The following NEBL variants were observed in gnomAD, a reference collection of about 807,000 sequenced individuals.
NEBL encodes LIM and SH3 protein 2.
A neutral mutation model predicts 140.2 loss-of-function variants in NEBL; 122 were observed. The ratio of observed to expected loss-of-function variants is 0.87; its 90% CI spans 0.75 to 1.01. The LOEUF (loss-of-function observed/expected upper bound fraction) is 1.01. Ranked by LOEUF, NEBL falls within the 50% of genes least tolerant of loss-of-function variation. NEBL has a pLI of 0.00. For missense variants in NEBL, 1,365 were observed against 1,231.3 expected, an observed-to-expected ratio of 1.11 and a Z score of -1.62; for synonymous variants, 436 against 398.9, an observed-to-expected ratio of 1.09 and a Z score of -1.11.
At chr10:21,042,944 T>C (rs1834337777) in intron 2 of NEBL, among the ~76,000 whole-genome samples, 1 of 152,238 alleles carries the variant, frequency 6.6e-6, no homozygotes, top group Admixed American at 6.5e-5. Context: ...TTAAGTCCTC[T>C]GAGGAAGACT....
chr10:21,191,120 G>A (rs1367122768), intron 3 of NEBL, among the ~76,000 whole-genome samples: 1 of 152,110 alleles, frequency 6.6e-6, no homozygotes, highest in East Asian at 1.9e-4. Context: ...GTTCTGTGTT[G>A]GGCTTAGGAG....
In NEBL at chr10:20,840,827, T is replaced by C. The variant is rs750380902; in HGVS notation, c.1250A>G (p.Glu417Gly). The C allele has an allele frequency of 4.4e-6, 7 of 1,595,248 alleles. No individual in the cohort carries two copies. The Admixed American group carries it at 5.0e-5, about 11-fold the overall frequency. ...LREKEYKKDLENEIKGKGMEL... is the reference protein window; with the variant it reads ...LREKEYKKDLGNEIKGKGMEL... The stretch of plus-strand genomic sequence containing the variant: ...CATTCCTTTCCCTTTTATCTCATTT[T>C]CCAAATCTTTTTTATATTCTTTCTA... The change falls in exon 13 of 28, where the codon GAA (glutamate) becomes GGA (glycine). Residue 417 changes from glutamate to glycine, a missense_variant. Physicochemically the swap from Glu to Gly is moderately conservative, Grantham distance 98 (BLOSUM62 -2). This residue lies in a region of NEBL where 1,323 missense variants were observed against 1,154.8 expected (regional missense o/e 1.15). Coordinates refer to ENST00000377122, the MANE Select transcript of NEBL (RefSeq NM_006393.3).
chr10:21,203,595 TA>T (rs1841777615), intron 3 of NEBL, among the ~76,000 whole-genome samples: 1 of 152,064 alleles, frequency 6.6e-6, no homozygotes, highest in Admixed American at 6.6e-5. Flanking sequence ...TAAAGAAGAA[TA>T]AAAGGAGAAA....
intron 2 of NEBL, among the ~76,000 whole-genome samples, chr10:21,111,240 C>T (rs1181023597): frequency 6.6e-6 from 1 of 152,132 alleles, no homozygotes; most frequent in African/African-American, 2.4e-5. Flanking sequence ...TTGGAAAAAA[C>T]TACTTTAAAG....
At chr10:21,105,164 T>C (rs1837653064) in intron 2 of NEBL, among the ~76,000 whole-genome samples, 1 of 151,758 alleles carries the variant, frequency 6.6e-6, no homozygotes, top group Non-Finnish European at 1.5e-5. Context: ...TCATGAAGAA[T>C]ATTGGCCTGT....
At chr10:20,896,871 G>C (rs1847543175) in intron 2 of NEBL, 87 bp downstream of exon 2, 6 of 1,124,494 alleles carry the variant, frequency 5.3e-6, no homozygotes, top group Non-Finnish European at 5.4e-6. Flanking sequence ...GTGATTTCAG[G>C]GTTTCCCCCA....
chr10:21,283,741 C>T (rs1284116482), intron 1 of NEBL, among the ~76,000 whole-genome samples: 1 of 152,118 alleles, frequency 6.6e-6, no homozygotes, highest in Non-Finnish European at 1.5e-5. Flanking sequence ...TACAAAATTT[C>T]AGCTTCTCCT....
At chr10:21,094,536 G>T (rs929505512) in intron 2 of NEBL, among the ~76,000 whole-genome samples, 4 of 137,366 alleles carry the variant, frequency 2.9e-5, no homozygotes, top group African/African-American at 1.1e-4. Flanking sequence ...AAAAAAATTA[G>T]CCAGATGTGG....
intron 4 of NEBL, among the ~76,000 whole-genome samples, chr10:20,925,834 T>C (rs1381008508): frequency 6.6e-6 from 1 of 152,116 alleles, no homozygotes; most frequent in African/African-American, 2.4e-5. Context: ...ATTAACGACA[T>C]TTTGGGCAGT....
intron 4 of NEBL, among the ~76,000 whole-genome samples, chr10:20,922,506 A>G (rs1460942803): frequency 6.6e-6 from 1 of 152,274 alleles, no homozygotes; most frequent in African/African-American, 2.4e-5. Context: ...CAACCTTGAC[A>G]GAAAAATCTA....
intron 3 of NEBL, among the ~76,000 whole-genome samples, chr10:21,240,947 A>ACAC (rs1341595507): frequency 8.3e-6 from 1 of 121,196 alleles, no homozygotes; most frequent in African/African-American, 3.3e-5. Context: ...CACACACACA[A>ACAC]AACCAGTATC....
In NEBL at chr10:21,169,929, CG is replaced by C. The variant is rs1841001389; in HGVS notation, c.164+2453del. On this transcript the variant is annotated intron_variant, in intron 2 of 6. Coordinates refer to the NEBL transcript ENST00000417816. ...GGTTAAGACCTATGAAACAAAACAA[CG>C]GGATGTTTCTTTTTCATAAGTAGAA... Among the ~76,000 whole-genome samples the C allele has an allele frequency of 2.0e-5, 3 of 152,090 alleles. No individual in the cohort carries two copies. The South Asian group carries it at 6.2e-4, about 32-fold the overall frequency.
chr10:21,228,649 T>C (rs924592725), intron 3 of NEBL, among the ~76,000 whole-genome samples: 5 of 152,184 alleles, frequency 3.3e-5, no homozygotes, highest in South Asian at 2.1e-4. Flanking sequence ...ATAAAAACAG[T>C]CATTTTTAAA....
At chr10:21,155,296 C>G (rs188476937) in intron 2 of NEBL, among the ~76,000 whole-genome samples, 3 of 152,176 alleles carry the variant, frequency 2.0e-5, no homozygotes, top group Admixed American at 6.5e-5. Flanking sequence ...CAATTATATT[C>G]TATTAGTTAT....
At position 21,010,506 on chromosome 10, in the gene NEBL, G is replaced by A. The variant is rs78288227; in HGVS notation, c.249+9611C>T. On this transcript the variant is annotated intron_variant, in intron 3 of 6. Coordinates refer to the NEBL transcript ENST00000417816. ...TGGCCTCAAGCCATCCTCCCACCTCGAACTCCCAAAGCACTGGGATTACGG... is the reference window on the plus strand; with the variant it reads ...TGGCCTCAAGCCATCCTCCCACCTCAAACTCCCAAAGCACTGGGATTACGG... Among the ~76,000 whole-genome samples, 73 of 149,116 alleles carry A rather than the reference G, an allele frequency of 4.9e-4. 1 individual carries two copies. Among genetic ancestry groups the A allele is most frequent in the South Asian group, 1.3e-3 (6 of 4,688 alleles).
At chr10:21,255,928 G>A (rs1463501739) in intron 1 of NEBL, among the ~76,000 whole-genome samples, 1 of 150,744 alleles carries the variant, frequency 6.6e-6, no homozygotes, top group African/African-American at 2.4e-5. Context: ...GTTGCAGTGA[G>A]CTGAGATCGC....
intron 2 of NEBL, among the ~76,000 whole-genome samples, chr10:21,031,325 C>G (rs1481044585): frequency 6.6e-6 from 1 of 152,134 alleles, no homozygotes; most frequent in African/African-American, 2.4e-5. Flanking sequence ...TGCAGAAGCC[C>G]AAGGAATCCC....
chr10:21,125,998 A>T, intron 2 of NEBL: 1 of 1,614,040 alleles, frequency 6.2e-7, no homozygotes, highest in East Asian at 2.2e-5. Context: ...CGGCTTGTAG[A>T]GACTGAAGCT....
intron 2 of NEBL, among the ~76,000 whole-genome samples, chr10:21,115,423 T>C (rs183404696): frequency 4.5e-4 from 68 of 152,234 alleles, no homozygotes; most frequent in Admixed American, 1.2e-3. Flanking sequence ...TAACATTTCC[T>C]GTACTGATGG....
Sources: allele counts gnomAD v4.1 joint callset (sites outside exome capture counted in the v4.1 genomes callset), GRCh38; gene constraint gnomAD v4.1.1; regional missense constraint gnomAD v4.1.1; transcripts MANE v1.5; gene names NCBI Gene and HGNC (gene_info 2026-07-23, HGNC 2026-07-21).